The following MYH15 variants were observed in gnomAD, a reference collection of about 807,000 sequenced individuals.
MYH15 encodes the protein myosin heavy chain 15.
A neutral mutation model predicts 240.5 loss-of-function variants in MYH15; 227 were observed. That is an observed-to-expected ratio of 0.94 (90% CI 0.85 to 1.05). MYH15 has a LOEUF of 1.05. MYH15 is among the 50% of genes least tolerant of loss of function. The probability of loss-of-function intolerance (pLI) is 0.00; values close to 1 mark genes in which losing one functional copy is unlikely to be tolerated. For missense variants in MYH15, 2,217 were observed against 2,247.5 expected, an observed-to-expected ratio of 0.99 and a Z score of 0.27; for synonymous variants, 785 against 796.7, an observed-to-expected ratio of 0.99 and a Z score of 0.25.
At chr3:108,422,642 C>G (rs2082692527) in intron 27 of MYH15, among the ~76,000 whole-genome samples, 1 of 152,190 alleles carries the variant, frequency 6.6e-6, no homozygotes, top group Non-Finnish European at 1.5e-5. Context: ...TCAATTAATA[C>G]AGCAGTCCAT....
At chr3:108,493,629 A>T (rs1378613188) in intron 7 of MYH15, among the ~76,000 whole-genome samples, 1 of 152,248 alleles carries the variant, frequency 6.6e-6, no homozygotes, top group African/African-American at 2.4e-5. Flanking sequence ...CAAAAAAAAT[A>T]GACATGGCCC....
chr3:108,392,074 C>T lies in MYH15; in HGVS notation c.5260-144G>A, dbSNP rs576453423. 1.0e-4 allele frequency: 88 copies of T among 857,608 alleles called. No homozygotes were observed. The South Asian group carries it at 1.4e-3, about 14-fold the overall frequency. The allele number at this position is 857,608 out of a possible 1,614,324, so 53.1% of individuals were successfully genotyped here. On this transcript the variant is annotated intron_variant, in intron 36 of 40. Transcript: ENST00000693548. ...TCTCTTCCCATTATAATCTCCCTAA[C>T]CACTACCACCCTCGAGTTTGTTAAC...
intron 11 of MYH15, among the ~76,000 whole-genome samples, chr3:108,477,660 T>G (rs941458423): frequency 6.6e-6 from 1 of 152,106 alleles, no homozygotes; most frequent in South Asian, 2.1e-4. Flanking sequence ...CAAGCACCAA[T>G]CAACAGAAGC....
intron 1 of MYH15, among the ~76,000 whole-genome samples, chr3:108,507,159 A>T (rs997342115): frequency 2.1e-5 from 3 of 145,996 alleles, no homozygotes; most frequent in Non-Finnish European, 4.6e-5. Flanking sequence ...TTTTAAAAGC[A>T]TATTATATAT....
the MYH15 span, among the ~76,000 whole-genome samples, chr3:108,537,297 A>G: frequency 6.6e-6 from 1 of 152,042 alleles, no homozygotes; most frequent in African/African-American, 2.4e-5. Context: ...CCCATATATC[A>G]CCTCATTCAT....
upstream of MYH15, among the ~76,000 whole-genome samples, chr3:108,511,501 T>C (rs2083522482): frequency 2.0e-5 from 3 of 152,182 alleles, no homozygotes. Context: ...ACCCACTGTA[T>C]ACCAAACACT....
chr3:108,389,257 A>T (rs567259709), intron 37 of MYH15, among the ~76,000 whole-genome samples, 183 bp from the exon 38 acceptor site: 1 of 152,330 alleles, frequency 6.6e-6, no homozygotes, highest in South Asian at 2.1e-4. Flanking sequence ...TCTTTTATGG[A>T]TTCATAAAAG....
Position 108,383,745 on chromosome 3 carries a change from A to G in MYH15, c.5632-16T>C. ...CTTGTGTTTCCTATAAAAATAAAAAAAAAAAAAAAGAAATCTCCATGCCTA... is the reference window on the plus strand; with the variant it reads ...CTTGTGTTTCCTATAAAAATAAAAAGAAAAAAAAAGAAATCTCCATGCCTA... On this transcript the variant is annotated splice_polypyrimidine_tract_variant and intron_variant, in intron 39 of 40. Coordinates refer to ENST00000693548, the MANE Select transcript of MYH15 (RefSeq NM_014981.3). 6.5e-7 allele frequency: 1 copy of G among 1,534,186 alleles called. No homozygotes were observed. Among genetic ancestry groups the G allele is most frequent in the Non-Finnish European group, 8.7e-7 (1 of 1,148,406 alleles).
In MYH15 at chr3:108,416,929, G is replaced by A. The variant is rs755026210; in HGVS notation, c.3831C>T (p.Gly1277=). 8 of 1,605,432 alleles carry A rather than the reference G, an allele frequency of 5.0e-6. No individual in the cohort carries two copies. The African/African-American group carries it at 5.4e-5, about 11-fold the overall frequency. The change falls in exon 29 of 41, where the codon GGC becomes GGT. Residue 1277 remains glycine, a splice_region_variant and synonymous_variant. Transcript: ENST00000693548. The part of the protein sequence containing the change: ...AQKTKLWSES[G]EFLRRLEEKE... Reference sequence around the variant, plus strand: ...TCTCTTCAAGCCTCCGTAGGAACTCGCCTACAGAAAGATTTCACAAAACTA... The same window carrying A: ...TCTCTTCAAGCCTCCGTAGGAACTCACCTACAGAAAGATTTCACAAAACTA...
intron 2 of MYH15, among the ~76,000 whole-genome samples, chr3:108,502,116 G>A (rs1412389929): frequency 6.6e-6 from 1 of 152,078 alleles, no homozygotes; most frequent in East Asian, 1.9e-4. Context: ...TAATCTTATG[G>A]CTTCTGGCTA....
rs376203903 is a variant in MYH15 at position 108,485,080 on chromosome 3, G to A, written c.1114+11C>T. ...TTGAAGTATATACCATATCTTCAAAGTAATTCTTACTTTCTGTGCCATCTG... is the reference window on the plus strand; with the variant it reads ...TTGAAGTATATACCATATCTTCAAAATAATTCTTACTTTCTGTGCCATCTG... On this transcript the variant is annotated intron_variant, in intron 11 of 40. Coordinates refer to ENST00000693548, the MANE Select transcript of MYH15 (RefSeq NM_014981.3). 6.8e-6 allele frequency: 11 copies of A among 1,613,548 alleles called. No homozygotes were observed. The highest frequency in any genetic ancestry group is 9.3e-6 in the Non-Finnish European group (11 of 1,179,792).
intron 12 of MYH15, among the ~76,000 whole-genome samples, chr3:108,472,992 A>G (rs528413745): frequency 2.6e-5 from 4 of 152,284 alleles, no homozygotes; most frequent in African/African-American, 9.6e-5. Context: ...AAAAAATAAC[A>G]AAGTCAAATA....
At chr3:108,387,685 T>C (rs1452739730) in intron 38 of MYH15, among the ~76,000 whole-genome samples, 2 of 152,210 alleles carry the variant, frequency 1.3e-5, no homozygotes, top group Non-Finnish European at 2.9e-5. Flanking sequence ...TTCCTCAAAG[T>C]AGAATAGCAA....
At chr3:108,426,813 AG>A (rs905747547) in intron 27 of MYH15, among the ~76,000 whole-genome samples, 6 of 145,978 alleles carry the variant, frequency 4.1e-5, no homozygotes, top group African/African-American at 8.1e-5. Context: ...AGCTCCTGCC[AG>A]GGGGGGGCAG....
chr3:108,505,145 G>A (rs1289545912), intron 2 of MYH15, among the ~76,000 whole-genome samples: 2 of 152,098 alleles, frequency 1.3e-5, no homozygotes, highest in Non-Finnish European at 2.9e-5. Context: ...ATACTGACTT[G>A]AAACATTGAT....
intron 25 of MYH15, among the ~76,000 whole-genome samples, chr3:108,434,420 G>A (rs1175724172): frequency 6.6e-6 from 1 of 151,748 alleles, no homozygotes; most frequent in Non-Finnish European, 1.5e-5. Flanking sequence ...AACCTCAGGT[G>A]ATCTGCCCAC....
intron 15 of MYH15, 54 bp downstream of exon 15, chr3:108,464,584 G>A (rs1162331934): frequency 3.4e-5 from 51 of 1,491,900 alleles, no homozygotes; most frequent in Middle Eastern, 3.5e-4. Context: ...TTGGCTGAGC[G>A]CATTTGAAAC....
intron 26 of MYH15, among the ~76,000 whole-genome samples, chr3:108,429,557 T>A (rs897580748): frequency 6.6e-6 from 1 of 152,114 alleles, no homozygotes; most frequent in Non-Finnish European, 1.5e-5. Context: ...CCCAAGCCCT[T>A]TTAGTATAGG....
At chr3:108,489,982 G>A (rs763156120) in intron 9 of MYH15, among the ~76,000 whole-genome samples, 4 of 152,216 alleles carry the variant, frequency 2.6e-5, no homozygotes, top group Non-Finnish European at 4.4e-5. Context: ...TTCCATAGCA[G>A]CCCAAAGGCA....
Sources: gnomAD v4.1 joint callset for allele counts (sites outside exome capture counted in the v4.1 genomes callset) on GRCh38, gnomAD v4.1.1 for gene constraint, MANE v1.5 for transcripts, NCBI Gene and HGNC (gene_info 2026-07-23, HGNC 2026-07-21) for gene names.